The following IGDCC3 variants were observed in gnomAD, a reference collection of about 807,000 sequenced individuals.
IGDCC3 encodes immunoglobulin superfamily DCC subclass member 3.
Under a neutral mutation model 72.0 loss-of-function variants are expected in IGDCC3, and 47 were observed. The ratio of observed to expected loss-of-function variants is 0.65; its 90% CI spans 0.52 to 0.83. The LOEUF (loss-of-function observed/expected upper bound fraction) is 0.83. Ranked by LOEUF, IGDCC3 falls within the 40% of genes least tolerant of loss-of-function variation. The probability of loss-of-function intolerance (pLI) is 0.00; values close to 1 mark genes in which losing one functional copy is unlikely to be tolerated. For synonymous variants in IGDCC3, 477 were observed against 472.8 expected, an observed-to-expected ratio of 1.01 and a Z score of -0.11; for missense variants, 1,038 against 1,091.3, an observed-to-expected ratio of 0.95 and a Z score of 0.69.
At chr15:65,367,926 A>G (rs1210503674) in intron 2 of IGDCC3, among the ~76,000 whole-genome samples, 3 of 151,566 alleles carry the variant, frequency 2.0e-5, no homozygotes, top group African/African-American at 7.3e-5. Context: ...CTCACTCACT[A>G]CTGGTCTCTA....
chr15:65,336,060 C>T (rs531148847), intron 2 of IGDCC3, 104 bp from the exon 3 acceptor site: 7 of 1,199,160 alleles, frequency 5.8e-6, no homozygotes, highest in South Asian at 5.5e-5. Flanking sequence ...GAGCCCACTC[C>T]ATCCAGGGGC....
rs766472764 is a variant in IGDCC3, at chr15:65,356,848, C to CTTTTTTTTTTT, written c.409+18238_409+18248dup. ...GATGTGAGATTTGAGAATGGACCTGCTTTTTTTTTTTTTTTTTTTGAGATG... is the reference window on the plus strand; with the variant it reads ...GATGTGAGATTTGAGAATGGACCTGCTTTTTTTTTTTTTTTTTTTTTTTTTTTTTTGAGATG... On this transcript the variant is annotated intron_variant, in intron 2 of 13. Transcript: ENST00000327987. Among the ~76,000 whole-genome samples the CTTTTTTTTTTT allele has an allele frequency of 1.2e-3, 87 of 70,874 alleles. 17 individuals are homozygous for CTTTTTTTTTTT. Among genetic ancestry groups the CTTTTTTTTTTT allele is most frequent in the African/African-American group, 4.1e-3 (61 of 15,026 alleles). The allele number at this position is 70,874 out of a possible 152,430, so 46.5% of individuals were successfully genotyped here.
chr15:65,341,031 C>G (rs1395848338), intron 2 of IGDCC3, among the ~76,000 whole-genome samples: 1 of 152,202 alleles, frequency 6.6e-6, no homozygotes, highest in Non-Finnish European at 1.5e-5. Flanking sequence ...GCCCGGCCCA[C>G]ATTTTCCAAT....
chr15:65,353,952 C>T (rs1018249376), intron 2 of IGDCC3, among the ~76,000 whole-genome samples: 1 of 152,184 alleles, frequency 6.6e-6, no homozygotes, highest in African/African-American at 2.4e-5. Context: ...ATCACCCAGG[C>T]TGGAGTGCAG....
At chr15:65,333,493 T>G in intron 5 of IGDCC3, 78 bp from the exon 6 acceptor site, 3 of 1,372,000 alleles carry the variant, frequency 2.2e-6, no homozygotes, top group South Asian at 1.5e-5. Context: ...AACTTCCAGA[T>G]GGCTTGCCCT....
intron 2 of IGDCC3, among the ~76,000 whole-genome samples, chr15:65,357,339 C>T (rs765653574): frequency 3.3e-5 from 5 of 152,084 alleles, no homozygotes; most frequent in Non-Finnish European, 5.9e-5. Flanking sequence ...TAGTGTTGCC[C>T]AGATCAACAG....
At chr15:65,331,005 C>A in intron 9 of IGDCC3, 45 bp downstream of exon 9, 9 of 1,601,504 alleles carry the variant, frequency 5.6e-6, no homozygotes, top group African/African-American at 1.3e-5. Flanking sequence ...GCTCTGATAC[C>A]CTGAGTGAGT....
At chr15:65,355,151 C>A (rs1044590741) in intron 2 of IGDCC3, among the ~76,000 whole-genome samples, 2 of 144,654 alleles carry the variant, frequency 1.4e-5, no homozygotes, top group Admixed American at 6.8e-5. Context: ...CGGAGTGGGG[C>A]GGGTGGGGGA....
At chr15:65,341,918 C>A (rs1186818011) in intron 2 of IGDCC3, among the ~76,000 whole-genome samples, 5 of 152,172 alleles carry the variant, frequency 3.3e-5, no homozygotes, top group South Asian at 2.1e-4. Context: ...GGGTTACAGG[C>A]ACCTGCCACC....
At chr15:65,351,554 C>G (rs1171497350) in intron 2 of IGDCC3, among the ~76,000 whole-genome samples, 1 of 149,454 alleles carries the variant, frequency 6.7e-6, no homozygotes, top group East Asian at 2.0e-4. Flanking sequence ...AAAAAAGAAT[C>G]TTACCTTACG....
chr15:65,344,590 C>T (rs1222429503), intron 2 of IGDCC3, among the ~76,000 whole-genome samples: 8 of 152,188 alleles, frequency 5.3e-5, no homozygotes, highest in Admixed American at 5.2e-4. Flanking sequence ...AGCTGTTGGT[C>T]CCCTGGCTGG....
At chr15:65,359,842 T>G (rs548563491) in intron 2 of IGDCC3, among the ~76,000 whole-genome samples, 2 of 152,142 alleles carry the variant, frequency 1.3e-5, no homozygotes, top group African/African-American at 2.4e-5. Context: ...GAGAAAGGCT[T>G]AGGTAAAATG....
At chr15:65,375,054 C>G (rs1034861470) in intron 2 of IGDCC3, 43 bp downstream of exon 2, 43 of 1,563,410 alleles carry the variant, frequency 2.8e-5, no homozygotes, top group Non-Finnish European at 3.6e-5. Flanking sequence ...CCCTGGATCA[C>G]CAGCTGGCTT....
In IGDCC3 at chr15:65,335,949, C is replaced by G. The variant is rs117357415; in HGVS notation, c.417G>C (p.Ser139=). Residue 139 remains serine (S), a synonymous_variant, in exon 3 of 14, where the codon TCG becomes TCC. Transcript: ENST00000327987. ...RKARIQAATM[S]DFHVHPQATV... is the part of the protein sequence containing the mutation. ...TGGCCTGGGGATGCACGTGGAAGTC[C>G]GACATGGCTGGGGGAAGAGAAGTGT... 385 of 1,614,064 alleles carry G rather than the reference C, an allele frequency of 2.4e-4. No homozygotes were observed. The highest frequency in any genetic ancestry group is 4.5e-4 in the Admixed American group (27 of 60,010).
At position 65,332,003 on chromosome 15, in the gene IGDCC3, C is replaced by A. The variant is rs546460964; in HGVS notation, c.1086G>T (p.Thr362=). The A allele has an allele frequency of 6.2e-7, 1 of 1,614,062 alleles. No homozygotes were observed. The highest frequency in any genetic ancestry group is 8.5e-7 in the Non-Finnish European group (1 of 1,180,038). The change falls in exon 7 of 14, where the codon ACG becomes ACT. Residue 362 remains threonine, a synonymous_variant. Coordinates refer to ENST00000327987, the MANE Select transcript of IGDCC3 (RefSeq NM_004884.4). The part of the protein sequence containing the change: ...QAQGEPPPHV[T]WLKNGQVLGP... ...CCAGCACCTGTCCATTTTTCAGCCACGTGACATGAGGCGGTGGCTCACCCT... is the reference window on the plus strand; with the variant it reads ...CCAGCACCTGTCCATTTTTCAGCCAAGTGACATGAGGCGGTGGCTCACCCT...
intron 2 of IGDCC3, 95 bp downstream of exon 2, chr15:65,375,002 A>G (rs1351466337): frequency 3.6e-6 from 4 of 1,114,174 alleles, no homozygotes; most frequent in Non-Finnish European, 5.2e-6. Flanking sequence ...AGAAGGCTGC[A>G]TAAGATGGGA....
chr15:65,367,346 C>CAAAAAAAAA (rs10609381), intron 2 of IGDCC3, among the ~76,000 whole-genome samples: 1 of 74,434 alleles, frequency 1.3e-5, no homozygotes, highest in Non-Finnish European at 2.8e-5. Flanking sequence ...GACTTTGTCT[C>CAAAAAAAAA]AAAAAAAAAA....
intron 2 of IGDCC3, among the ~76,000 whole-genome samples, chr15:65,372,140 G>A (rs1310781922): frequency 6.6e-6 from 1 of 152,190 alleles, no homozygotes; most frequent in Non-Finnish European, 1.5e-5. Context: ...ACCTTTCAAT[G>A]AGGAGTGCGG....
chr15:65,364,846 ACTC>A (rs959414784), intron 2 of IGDCC3, among the ~76,000 whole-genome samples: 1 of 152,088 alleles, frequency 6.6e-6, no homozygotes, highest in African/African-American at 2.4e-5. Context: ...GCACCACTGA[ACTC>A]CAGCCTGGGT....
Sources: gnomAD v4.1 joint callset for allele counts (sites outside exome capture counted in the v4.1 genomes callset) on GRCh38, gnomAD v4.1.1 for gene constraint, MANE v1.5 for transcripts, NCBI Gene and HGNC (gene_info 2026-07-23, HGNC 2026-07-21) for gene names.